Variants in MIPEP observed in about 807,000 individuals in gnomAD.
The protein encoded by MIPEP is mitochondrial intermediate peptidase.
MIPEP carries 79 observed loss-of-function variants against 90.3 expected under a neutral mutation model. The ratio of observed to expected loss-of-function variants is 0.87; its 90% CI spans 0.73 to 1.05. The LOEUF (loss-of-function observed/expected upper bound fraction) is 1.05, where lower values mean the gene tolerates loss of function less well. Ranked by LOEUF, MIPEP falls within the 50% of genes least tolerant of loss-of-function variation. The pLI, the probability that MIPEP is intolerant of heterozygous loss-of-function variation, is 0.00. For missense variants in MIPEP, 940 were observed against 905.6 expected, an observed-to-expected ratio of 1.04 and a Z score of -0.49; for synonymous variants, 334 against 315.8, an observed-to-expected ratio of 1.06 and a Z score of -0.61.
chr13:23,874,835 G>C lies in MIPEP; in HGVS notation c.603+11C>G. ...AACTGGAAGAGTCAAAAAAACAGCA[G>C]AAAGATGTACCTTTTCTTTGTCTAG... On this transcript the variant is annotated intron_variant, in intron 5 of 18. Coordinates refer to ENST00000382172, the MANE Select transcript of MIPEP (RefSeq NM_005932.4). 1 of 1,580,076 alleles carries C rather than the reference G, an allele frequency of 6.3e-7. No homozygotes were observed. Among genetic ancestry groups the C allele is most frequent in the East Asian group, 2.3e-5 (1 of 43,272 alleles).
chr13:23,805,964 A>G lies in MIPEP; in HGVS notation c.1834T>C (p.Tyr612His), dbSNP rs1953101934. Reference protein sequence around the residue: ...ETQEKFYGLPYVPNTAWQLRF... With the variant: ...ETQEKFYGLPHVPNTAWQLRF... ...GCTGGACTCACAGTATTTGGAACAT[A>G]TGGTAGGCCATAGAATTTCTCTTGT... The change falls in exon 16 of 19, where the codon TAT (tyrosine) becomes CAT (histidine). Residue 612 changes from tyrosine to histidine, a missense_variant. By Grantham distance (83) the Tyr-to-His change is moderately conservative (BLOSUM62 2). Coordinates refer to ENST00000382172, the MANE Select transcript of MIPEP (RefSeq NM_005932.4). 2 of 1,613,994 alleles carry G rather than the reference A, an allele frequency of 1.2e-6. No homozygotes were observed.
intron 16 of MIPEP, among the ~76,000 whole-genome samples, chr13:23,802,701 C>A (rs1290082984): frequency 6.7e-6 from 1 of 148,788 alleles, no homozygotes; most frequent in African/African-American, 2.6e-5. Context: ...GATTTTTTAA[C>A]TTTAAGATTT....
intron 8 of MIPEP, among the ~76,000 whole-genome samples, chr13:23,863,126 G>C (rs9510910): frequency 0.94 from 142,927 of 152,144 alleles, 67,169 homozygotes; most frequent in East Asian, 1. Flanking sequence ...CCAATGTGTT[G>C]GTGTAGCCAC....
chr13:23,826,558 T>C (rs534622734), intron 14 of MIPEP, among the ~76,000 whole-genome samples: 1 of 152,266 alleles, frequency 6.6e-6, no homozygotes, highest in South Asian at 2.1e-4. Flanking sequence ...AAACAAGTCT[T>C]TGCTTAAGGA....
chr13:23,753,619 A>T (rs1014902472), intron 18 of MIPEP, among the ~76,000 whole-genome samples: 7 of 152,182 alleles, frequency 4.6e-5, no homozygotes, highest in Non-Finnish European at 7.3e-5. Flanking sequence ...GTGGCCTTTA[A>T]CTGATGAATG....
chr13:23,758,868 GTCT>G (rs1332908659), intron 17 of MIPEP, among the ~76,000 whole-genome samples: 1 of 152,172 alleles, frequency 6.6e-6, no homozygotes, highest in Admixed American at 6.5e-5. Flanking sequence ...CTAGATTATA[GTCT>G]TAGTCCAGTT....
At chr13:23,787,641 C>T (rs1172971038) in intron 16 of MIPEP, among the ~76,000 whole-genome samples, 1 of 152,120 alleles carries the variant, frequency 6.6e-6, no homozygotes, top group Admixed American at 6.6e-5. Flanking sequence ...TGTCCCCTAC[C>T]ACGGCACTTC....
intron 16 of MIPEP, among the ~76,000 whole-genome samples, chr13:23,797,428 C>T (rs1470272085): frequency 6.6e-6 from 1 of 152,178 alleles, no homozygotes; most frequent in East Asian, 1.9e-4. Context: ...GCAGCTACCA[C>T]CCCTCCTGTA....
In MIPEP at chr13:23,869,292, C is replaced by T; in HGVS notation, c.943G>A (p.Glu315Lys). 6.3e-7 allele frequency: 1 copy of T among 1,584,656 alleles called. No individual in the cohort carries two copies. The highest frequency in any genetic ancestry group is 1.4e-5 in the African/African-American group (1 of 73,480). The change falls in exon 7 of 19, where the codon GAG becomes AAG. Residue 315 changes from glutamate (E) to lysine (K), a missense_variant and splice_region_variant. Coordinates refer to ENST00000382172, the MANE Select transcript of MIPEP (RefSeq NM_005932.4). ...TTAAATGTTGGATAAACAGGCTTAC[C>T]TGGATTTTTAGCTATCGTTCCTTGG... Reference protein sequence around the residue: ...ALQGTIAKNPETVMQFLEKLS... With the variant: ...ALQGTIAKNPKTVMQFLEKLS...
chr13:23,803,089 C>T (rs753734198), intron 16 of MIPEP, among the ~76,000 whole-genome samples: 9 of 152,068 alleles, frequency 5.9e-5, no homozygotes, highest in Non-Finnish European at 1.0e-4. Context: ...CATGGCCAGG[C>T]GCGGTGGCTC....
rs117837701 is a variant in MIPEP, at chr13:23,808,381, G to A, written c.1728+1469C>T. On this transcript the variant is annotated intron_variant, in intron 15 of 18. Transcript: ENST00000382172. The stretch of plus-strand genomic sequence containing the variant: ...CCCAACGTGCTGGGATTATAAGTGT[G>A]AGCCACCGCATCTGGCCTTAAAAAC... 5.2e-4 allele frequency among the ~76,000 whole-genome samples: 79 copies of A among 152,252 alleles called. 2 individuals are homozygous for A. In the East Asian group the frequency reaches 0.014, roughly 27 times the overall value.
intron 16 of MIPEP, among the ~76,000 whole-genome samples, chr13:23,792,136 A>G (rs1952903555): frequency 6.6e-6 from 1 of 152,014 alleles, no homozygotes; most frequent in South Asian, 2.1e-4. Flanking sequence ...GAATGCCCCA[A>G]GGCTCATCTT....
At chr13:23,800,521 G>C (rs998232217) in intron 16 of MIPEP, among the ~76,000 whole-genome samples, 1 of 152,150 alleles carries the variant, frequency 6.6e-6, no homozygotes, top group African/African-American at 2.4e-5. Flanking sequence ...ATTCACAAAT[G>C]AGTAGAAAAT....
chr13:23,878,595 AT>A (rs1381283126), intron 4 of MIPEP, among the ~76,000 whole-genome samples: 1 of 152,260 alleles, frequency 6.6e-6, no homozygotes, highest in Non-Finnish European at 1.5e-5. Flanking sequence ...TGACATACAT[AT>A]TATAAGCAGG....
At chr13:23,862,900 C>T (rs527851466) in intron 8 of MIPEP, among the ~76,000 whole-genome samples, 1 of 152,242 alleles carries the variant, frequency 6.6e-6, no homozygotes, top group South Asian at 2.1e-4. Context: ...AAATCTATAG[C>T]TATGTAGAGA....
At chr13:23,753,354 T>C (rs1270365354) in intron 18 of MIPEP, among the ~76,000 whole-genome samples, 1 of 152,016 alleles carries the variant, frequency 6.6e-6, no homozygotes, top group Non-Finnish European at 1.5e-5. Context: ...AGTAGCAGAG[T>C]CACTGACTGC....
At chr13:23,756,499 T>C in intron 18 of MIPEP, 46 bp downstream of exon 18, 1 of 1,564,892 alleles carries the variant, frequency 6.4e-7, no homozygotes, top group Non-Finnish European at 8.8e-7. Context: ...GGAGAAAACA[T>C]AAATCAGCTT....
chr13:23,800,555 CTG>C (rs759412453), intron 16 of MIPEP, among the ~76,000 whole-genome samples: 20 of 152,138 alleles, frequency 1.3e-4, no homozygotes, highest in Non-Finnish European at 2.6e-4. Context: ...CATCAAACTA[CTG>C]TTAGATGGAA....
rs115571813 is a variant in MIPEP, at chr13:23,803,082, G to C, written c.1848+2868C>G. Among the ~76,000 whole-genome samples, 1,313 of 152,218 alleles carry C rather than the reference G, an allele frequency of 8.6e-3. 26 individuals are homozygous for C. The highest frequency in any genetic ancestry group is 0.029 in the African/African-American group (1,193 of 41,526). ...GAGTGGGTATAAAAAACACTATCAT[G>C]GCCAGGCGCGGTGGCTCATGCCTGT... On this transcript the variant is annotated intron_variant, in intron 16 of 18. Transcript: ENST00000382172.
Sources: allele counts gnomAD v4.1 joint callset (sites outside exome capture counted in the v4.1 genomes callset), GRCh38; gene constraint gnomAD v4.1.1; transcripts MANE v1.5; gene names NCBI Gene and HGNC (gene_info 2026-07-23, HGNC 2026-07-21).